Variants in GINM1 observed in about 807,000 individuals in gnomAD.
GINM1 encodes the protein glycoprotein integral membrane protein 1.
A neutral mutation model predicts 37.8 loss-of-function variants in GINM1; 29 were observed. That is an observed-to-expected ratio of 0.77 (90% CI 0.57 to 1.05). The LOEUF (loss-of-function observed/expected upper bound fraction) is 1.05, where lower values mean the gene tolerates loss of function less well. Ranked by LOEUF, GINM1 falls within the 50% of genes least tolerant of loss-of-function variation. The pLI, the probability that GINM1 is intolerant of heterozygous loss-of-function variation, is 0.00. For missense variants in GINM1, 377 were observed against 397.9 expected (o/e 0.95, Z 0.45); for synonymous variants, 143 against 146.2 (o/e 0.98, Z 0.16).
intron 1 of GINM1, among the ~76,000 whole-genome samples, chr6:149,570,256 A>G (rs534171911): frequency 1.4e-5 from 2 of 144,094 alleles, no homozygotes; most frequent in South Asian, 2.2e-4. Context: ...AAGCTATAAA[A>G]TGGTTTCCTA....
At chr6:149,581,351 G>A (rs549336275) in intron 6 of GINM1, among the ~76,000 whole-genome samples, 5 of 152,248 alleles carry the variant, frequency 3.3e-5, no homozygotes, top group African/African-American at 9.6e-5. Context: ...TAGAGATGGA[G>A]TTTCACCATG....
intron 3 of GINM1, chr6:149,578,006 T>G (rs1777940650): frequency 6.6e-6 from 1 of 152,190 alleles, no homozygotes; most frequent in African/African-American, 2.4e-5. Flanking sequence ...TCCCCCACCC[T>G]CTTTCCCCAT....
intron 6 of GINM1, among the ~76,000 whole-genome samples, chr6:149,581,075 T>C (rs1777993463): frequency 6.6e-6 from 1 of 152,162 alleles, no homozygotes; most frequent in African/African-American, 2.4e-5. Flanking sequence ...GTGATTCAGC[T>C]CAGGTGGTTG....
chr6:149,588,673 G>T (rs1485217826), intron 7 of GINM1, among the ~76,000 whole-genome samples: 1 of 152,086 alleles, frequency 6.6e-6, no homozygotes, highest in African/African-American at 2.4e-5. Flanking sequence ...GCCCAGGCTG[G>T]AGTACAGTGG....
chr6:149,572,186 G>T, intron 1 of GINM1, 99 bp from the exon 2 acceptor site: 1 of 646,348 alleles, frequency 1.5e-6, no homozygotes, highest in Non-Finnish European at 2.7e-6. Context: ...TGTTATAAGT[G>T]ATTGTACAAT....
chr6:149,573,304 C>CA (rs947748435), intron 3 of GINM1, among the ~76,000 whole-genome samples: 3 of 151,262 alleles, frequency 2.0e-5, no homozygotes, highest in Non-Finnish European at 2.9e-5. Flanking sequence ...GGCTCCGTCA[C>CA]AAAAAAAATA....
intron 1 of GINM1, among the ~76,000 whole-genome samples, chr6:149,570,961 G>T (rs1777809208): frequency 6.6e-6 from 1 of 152,176 alleles, no homozygotes; most frequent in African/African-American, 2.4e-5. Context: ...ATAATACCTT[G>T]AGAGGCAATA....
At chr6:149,583,597 C>T (rs1451354156) in intron 7 of GINM1, among the ~76,000 whole-genome samples, 1 of 151,180 alleles carries the variant, frequency 6.6e-6, no homozygotes, top group Non-Finnish European at 1.5e-5. Context: ...CCATTGCACT[C>T]CAGCCTGGGA....
chr6:149,580,883 A>G (rs1777989699), intron 6 of GINM1, 160 bp downstream of exon 6: 2 of 581,166 alleles, frequency 3.4e-6, no homozygotes, highest in Non-Finnish European at 3.0e-6. Flanking sequence ...TAGTATTCCT[A>G]TTTTCCTCTT....
rs1778141236 is a variant in GINM1, at chr6:149,590,713, ACTTT to A, written c.882-11_882-8del. The A allele has an allele frequency of 1.6e-6, 2 of 1,287,114 alleles. No homozygotes were observed. Among genetic ancestry groups the A allele is most frequent in the Non-Finnish European group, 2.2e-6 (2 of 892,536 alleles). The allele number at this position is 1,287,114 out of a possible 1,614,324, so 79.7% of individuals were successfully genotyped here. On this transcript the variant is annotated splice_polypyrimidine_tract_variant and intron_variant, in intron 7 of 7. Transcript: ENST00000367419. ...CATTTAATTTTGATAGTAATTAATC[ACTTT>A]CTATTTCAGAGGAATTCTTCAGTTG...
intron 3 of GINM1, among the ~76,000 whole-genome samples, chr6:149,573,106 A>G (rs999651408): frequency 1.3e-5 from 2 of 152,038 alleles, no homozygotes; most frequent in Admixed American, 6.6e-5. Context: ...GCAGATCACG[A>G]GAGGTCAGGA....
chr6:149,585,555 G>C (rs1778057390), intron 7 of GINM1, among the ~76,000 whole-genome samples: 1 of 151,848 alleles, frequency 6.6e-6, no homozygotes, highest in African/African-American at 2.4e-5. Flanking sequence ...CTATACTTAG[G>C]CCAAAAGACA....
At position 149,584,214 on chromosome 6, in the gene GINM1, G is replaced by A. The variant is rs144164093; in HGVS notation, c.881+1611G>A. The stretch of plus-strand genomic sequence containing the variant: ...TGGTCTCGAACTCCTGACCTCAGGT[G>A]GATCAGGTGGATCACGTCTCGGCCT... On this transcript the variant is annotated intron_variant, in intron 7 of 7. Transcript: ENST00000367419. Among the ~76,000 whole-genome samples the A allele has an allele frequency of 3.6e-3, 555 of 152,106 alleles. 2 individuals carry two copies. The highest frequency in any genetic ancestry group is 0.012 in the African/African-American group (512 of 41,506).
chr6:149,569,631 C>T (rs1777779168), intron 1 of GINM1, among the ~76,000 whole-genome samples: 1 of 152,196 alleles, frequency 6.6e-6, no homozygotes, highest in Non-Finnish European at 1.5e-5. Context: ...AGCCACCATG[C>T]CCGACCGAAA....
intron 3 of GINM1, among the ~76,000 whole-genome samples, chr6:149,574,939 T>G (rs1777891869): frequency 6.6e-6 from 1 of 152,226 alleles, no homozygotes; most frequent in Non-Finnish European, 1.5e-5. Flanking sequence ...GCAAGAACCT[T>G]AGAACACTTA....
chr6:149,573,872 C>T (rs1301801348), intron 3 of GINM1, among the ~76,000 whole-genome samples: 1 of 150,096 alleles, frequency 6.7e-6, no homozygotes, highest in Non-Finnish European at 1.5e-5. Context: ...TAGCAAGAGC[C>T]AAGAAAATGA....
chr6:149,583,924 A>C (rs986039106), intron 7 of GINM1, among the ~76,000 whole-genome samples: 3 of 152,086 alleles, frequency 2.0e-5, no homozygotes, highest in Non-Finnish European at 2.9e-5. Flanking sequence ...TAAAATTTAA[A>C]ATGAATTATT....
At position 149,589,243 on chromosome 6, in the gene GINM1, A is replaced by G. The variant is rs1035919669; in HGVS notation, c.882-1484A>G. On this transcript the variant is annotated intron_variant, in intron 7 of 7. Coordinates refer to ENST00000367419, the MANE Select transcript of GINM1 (RefSeq NM_138785.5). Reference sequence around the variant, plus strand: ...ACTAAGGGCATGAGCCACTGTGCCCAGCCATTATATTTTCTTAAAATTTAT... The same window carrying G: ...ACTAAGGGCATGAGCCACTGTGCCCGGCCATTATATTTTCTTAAAATTTAT... Among the ~76,000 whole-genome samples, 120 of 152,116 alleles carry G rather than the reference A, an allele frequency of 7.9e-4. 1 individual carries two copies. Among genetic ancestry groups the G allele is most frequent in the African/African-American group, 2.7e-3 (114 of 41,504 alleles).
chr6:149,566,495 G>A lies in GINM1; in HGVS notation c.81G>A (p.Thr27=). 6.5e-7 allele frequency: 1 copy of A among 1,540,168 alleles called. No homozygotes were observed. Among genetic ancestry groups the A allele is most frequent in the Non-Finnish European group, 8.7e-7 (1 of 1,153,470 alleles). Reference sequence around the variant, plus strand: ...TACCCGCCTCCGGCTGGCTGACGACGGGCGCCCCCGAGCCGCCGCCGCTGT... The same window carrying A: ...TACCCGCCTCCGGCTGGCTGACGACAGGCGCCCCCGAGCCGCCGCCGCTGT... ...VALPASGWLT[T]GAPEPPPLSG... The change falls in exon 1 of 8, where the codon ACG becomes ACA. Residue 27 remains threonine, a synonymous_variant. Transcript: ENST00000367419. This position sits in a 1 kb window ranked among gnomAD's most constrained non-coding sequence, Gnocchi z 4.4.
Sources: allele counts gnomAD v4.1 joint callset (sites outside exome capture counted in the v4.1 genomes callset), GRCh38; gene constraint gnomAD v4.1.1; non-coding constraint Gnocchi (gnomAD v3.1); transcripts MANE v1.5; gene names NCBI Gene and HGNC (gene_info 2026-07-23, HGNC 2026-07-21).